The following PDGFD variants were observed in gnomAD, a reference collection of about 807,000 sequenced individuals.
PDGFD encodes platelet derived growth factor D, also known as platelet-derived growth factor D.
In PDGFD, 30 loss-of-function variants were observed where a neutral mutation model predicts 44.7. The observed-to-expected ratio is 0.67, with a 90% CI of 0.50 to 0.91. The LOEUF (loss-of-function observed/expected upper bound fraction) is 0.91. Among genes scored for constraint, PDGFD ranks in the 40% least tolerant of loss-of-function variants. The pLI, the probability that PDGFD is intolerant of heterozygous loss-of-function variation, is 0.00. For synonymous variants in PDGFD, 173 were observed against 168.4 expected, an observed-to-expected ratio of 1.03 and a Z score of -0.21; for missense variants, 445 against 457.8, an observed-to-expected ratio of 0.97 and a Z score of 0.25.
At chr11:104,058,928 G>A (rs1351874907) in intron 1 of PDGFD, among the ~76,000 whole-genome samples, 1 of 152,152 alleles carries the variant, frequency 6.6e-6, no homozygotes, top group East Asian at 1.9e-4. Context: ...TCACAAAAAT[G>A]CAAAACTACA....
chr11:104,119,002 A>AAT (rs1339579109), intron 1 of PDGFD, among the ~76,000 whole-genome samples: 1 of 664 alleles, frequency 1.5e-3, no homozygotes, highest in East Asian at 0.042. Flanking sequence ...AATATAATAA[A>AAT]ATAATATAAT....
At chr11:104,033,804 C>T (rs1860169453) in intron 1 of PDGFD, among the ~76,000 whole-genome samples, 1 of 152,192 alleles carries the variant, frequency 6.6e-6, no homozygotes, top group African/African-American at 2.4e-5. Context: ...TTGCATGTGA[C>T]ATCTCACATG....
At chr11:104,155,577 A>G (rs1489321202) in intron 1 of PDGFD, among the ~76,000 whole-genome samples, 1 of 152,228 alleles carries the variant, frequency 6.6e-6, no homozygotes, top group Non-Finnish European at 1.5e-5. Context: ...TGAGAACCAC[A>G]TAAACCAGGG....
At chr11:104,160,767 G>C (rs539480056) in intron 1 of PDGFD, among the ~76,000 whole-genome samples, 1 of 152,060 alleles carries the variant, frequency 6.6e-6, no homozygotes, top group African/African-American at 2.4e-5. Context: ...TCTACAGGTA[G>C]AAAGGCTCTG....
intron 1 of PDGFD, among the ~76,000 whole-genome samples, chr11:104,015,023 C>G (rs1455519786): frequency 6.6e-6 from 1 of 152,150 alleles, no homozygotes; most frequent in East Asian, 1.9e-4. Context: ...TTCTCAATTC[C>G]TCTGTTGCTG....
chr11:103,956,558 G>A (rs1858853548), intron 3 of PDGFD, among the ~76,000 whole-genome samples: 1 of 150,722 alleles, frequency 6.6e-6, no homozygotes, highest in South Asian at 2.1e-4. Flanking sequence ...ACGATTTATA[G>A]TCCTTTGGGT....
intron 1 of PDGFD, among the ~76,000 whole-genome samples, chr11:104,004,630 G>GA (rs1403642783): frequency 6.6e-6 from 1 of 151,942 alleles, no homozygotes; most frequent in Non-Finnish European, 1.5e-5. Context: ...AACTACAGGG[G>GA]AAAAATAACA....
At chr11:104,067,980 G>A (rs973037841) in intron 1 of PDGFD, among the ~76,000 whole-genome samples, 1 of 152,082 alleles carries the variant, frequency 6.6e-6, no homozygotes, top group Non-Finnish European at 1.5e-5. Flanking sequence ...AAATTGCAGC[G>A]AAAATTTCAG....
chr11:104,038,176 T>C, intron 1 of PDGFD: 1 of 711,000 alleles, frequency 1.4e-6, no homozygotes, highest in South Asian at 2.0e-5. Context: ...TCCTGATTCC[T>C]TGGTCTTGGT....
chr11:103,946,250 C>G (rs1858666737), intron 4 of PDGFD, among the ~76,000 whole-genome samples: 1 of 152,194 alleles, frequency 6.6e-6, no homozygotes, highest in Non-Finnish European at 1.5e-5. Flanking sequence ...TGCTCCTGCT[C>G]CAGAAAGTTC....
chr11:104,091,758 A>G (rs561786275), intron 1 of PDGFD, among the ~76,000 whole-genome samples: 96 of 151,410 alleles, frequency 6.3e-4, no homozygotes, highest in Non-Finnish European at 1.0e-3. Flanking sequence ...TGGCTTTATA[A>G]TCTTGATTTT....
chr11:103,930,116 G>A (rs1358116299), intron 5 of PDGFD, among the ~76,000 whole-genome samples: 3 of 152,110 alleles, frequency 2.0e-5, no homozygotes, highest in Admixed American at 1.3e-4. Flanking sequence ...CTTTATCAAA[G>A]CTCTTTGACA....
In PDGFD at chr11:104,077,530, A is replaced by G. The variant is rs192997899; in HGVS notation, c.125-77275T>C. On this transcript the variant is annotated intron_variant, in intron 1 of 6. Transcript: ENST00000393158. ...AAGTACATAAAAGAAAATGAGTTCAATGCTCAGTGCAGGTTTTTGATATGG... is the reference window on the plus strand; with the variant it reads ...AAGTACATAAAAGAAAATGAGTTCAGTGCTCAGTGCAGGTTTTTGATATGG... Among the ~76,000 whole-genome samples the G allele has an allele frequency of 5.8e-4, 88 of 152,324 alleles. 1 individual carries two copies. The highest frequency in any genetic ancestry group is 2.2e-3 in the Admixed American group (33 of 15,298).
At chr11:104,140,694 C>T (rs567833282) in intron 1 of PDGFD, among the ~76,000 whole-genome samples, 7 of 152,148 alleles carry the variant, frequency 4.6e-5, no homozygotes, top group African/African-American at 1.2e-4. Context: ...TATATCCCCC[C>T]CTGAACATTA....
intron 1 of PDGFD, among the ~76,000 whole-genome samples, chr11:104,148,180 G>A (rs930399772): frequency 6.6e-5 from 10 of 152,128 alleles, no homozygotes; most frequent in African/African-American, 1.7e-4. Flanking sequence ...CTGTACCAGT[G>A]TTGATATAAT....
chr11:103,932,366 C>T (rs368765569), intron 5 of PDGFD, among the ~76,000 whole-genome samples: 2 of 152,060 alleles, frequency 1.3e-5, no homozygotes, highest in South Asian at 4.1e-4. Context: ...CTGATATATG[C>T]GTTCTGAACA....
At chr11:104,155,771 A>T (rs984362629) in intron 1 of PDGFD, among the ~76,000 whole-genome samples, 1 of 152,236 alleles carries the variant, frequency 6.6e-6, no homozygotes, top group African/African-American at 2.4e-5. Context: ...ATTTTGTAAA[A>T]GCAGGTGGTT....
intron 1 of PDGFD, among the ~76,000 whole-genome samples, chr11:104,151,766 T>C (rs552099284): frequency 1.3e-3 from 191 of 152,274 alleles, no homozygotes; most frequent in African/African-American, 4.3e-3. Context: ...TCTGCTCAAG[T>C]TTTAATAACT....
chr11:104,032,131 C>T (rs1280669868), intron 1 of PDGFD, among the ~76,000 whole-genome samples: 5 of 152,032 alleles, frequency 3.3e-5, no homozygotes, highest in Admixed American at 3.3e-4. Flanking sequence ...ACATCCTGCA[C>T]ATGTACCCTA....
Sources: allele counts gnomAD v4.1 joint callset (sites outside exome capture counted in the v4.1 genomes callset), GRCh38; gene constraint gnomAD v4.1.1; transcripts MANE v1.5; gene names NCBI Gene and HGNC (gene_info 2026-07-23, HGNC 2026-07-21).